XKR6: variants seen among roughly 807,000 people sequenced by gnomAD.
XKR6 encodes the protein XK related 6, also known as XK-related protein 6.
Under a neutral mutation model 56.7 loss-of-function variants are expected in XKR6, and 22 were observed. The ratio of observed to expected loss-of-function variants is 0.39; its 90% CI spans 0.28 to 0.55. The LOEUF is 0.55. Ranked by LOEUF, XKR6 falls within the 20% of genes least tolerant of loss-of-function variation. XKR6 has a pLI of 0.66. For synonymous variants in XKR6, 524 were observed against 387.8 expected (o/e 1.35, Z -4.13); for missense variants, 852 against 889.0 (o/e 0.96, Z 0.53).
chr8:10,925,229 C>T (rs1800845347), intron 1 of XKR6, among the ~76,000 whole-genome samples: 2 of 152,164 alleles, frequency 1.3e-5, no homozygotes, highest in African/African-American at 2.4e-5. Context: ...GCAAGGTTAT[C>T]ACCTCTGTTG....
intron 1 of XKR6, among the ~76,000 whole-genome samples, chr8:11,140,669 G>A (rs941333642): frequency 1.4e-4 from 21 of 152,024 alleles, no homozygotes; most frequent in South Asian, 4.2e-4. Flanking sequence ...AGGCTGAGGT[G>A]GGTGGGTCAC....
intron 1 of XKR6, among the ~76,000 whole-genome samples, chr8:11,000,674 G>C (rs1236861059): frequency 6.6e-6 from 1 of 152,168 alleles, no homozygotes; most frequent in African/African-American, 2.4e-5. Context: ...AAGAGAGCCA[G>C]ACTCTATCTC....
At chr8:11,042,285 A>G (rs1279967602) in intron 1 of XKR6, among the ~76,000 whole-genome samples, 1 of 149,424 alleles carries the variant, frequency 6.7e-6, no homozygotes, top group Non-Finnish European at 1.5e-5. Flanking sequence ...TGAGTATCTG[A>G]TATGGTTTGA....
At chr8:11,063,957 C>T (rs986551984) in intron 1 of XKR6, among the ~76,000 whole-genome samples, 3 of 152,188 alleles carry the variant, frequency 2.0e-5, no homozygotes, top group Non-Finnish European at 2.9e-5. Context: ...AACTTGCCAT[C>T]GGGTCTGACA....
At chr8:11,075,536 C>T (rs1038796157) in intron 1 of XKR6, among the ~76,000 whole-genome samples, 1 of 152,214 alleles carries the variant, frequency 6.6e-6, no homozygotes, top group Non-Finnish European at 1.5e-5. Flanking sequence ...TCAATCCTCA[C>T]AGCAATCTGG....
chr8:11,009,916 C>A (rs1798461639), intron 1 of XKR6, among the ~76,000 whole-genome samples: 1 of 152,004 alleles, frequency 6.6e-6, no homozygotes, highest in Admixed American at 6.5e-5. Flanking sequence ...TGTAACAATT[C>A]TATAAATCTA....
intron 1 of XKR6, among the ~76,000 whole-genome samples, chr8:11,010,550 T>C (rs1798476995): frequency 6.6e-6 from 1 of 152,188 alleles, no homozygotes; most frequent in African/African-American, 2.4e-5. Flanking sequence ...AGCACACAAC[T>C]GACACTCATC....
chr8:11,084,423 G>A (rs1181951766), intron 1 of XKR6, among the ~76,000 whole-genome samples: 4 of 152,038 alleles, frequency 2.6e-5, no homozygotes, highest in South Asian at 2.1e-4. Context: ...GATTTATACC[G>A]TCATTTTAAA....
chr8:10,966,717 T>C (rs1802235663), intron 1 of XKR6, among the ~76,000 whole-genome samples: 1 of 151,976 alleles, frequency 6.6e-6, no homozygotes, highest in Admixed American at 6.6e-5. Flanking sequence ...AAAATGCAAG[T>C]TCTCAGACCC....
chr8:11,073,035 G>A (rs1800174588), intron 1 of XKR6, among the ~76,000 whole-genome samples: 1 of 150,476 alleles, frequency 6.6e-6, no homozygotes, highest in Non-Finnish European at 1.5e-5. Context: ...CAGCGACAGA[G>A]CGAGACTCCA....
chr8:11,117,459 A>G (rs1799235648), intron 1 of XKR6, among the ~76,000 whole-genome samples: 3 of 152,178 alleles, frequency 2.0e-5, no homozygotes, highest in South Asian at 4.1e-4. Context: ...GGAAGAAAAC[A>G]GAATGTCTGA....
chr8:11,090,216 C>A (rs895104732), intron 1 of XKR6, among the ~76,000 whole-genome samples: 2 of 152,166 alleles, frequency 1.3e-5, no homozygotes, highest in African/African-American at 4.8e-5. Context: ...TCTCACGTAG[C>A]TGAGACTAGA....
intron 1 of XKR6, among the ~76,000 whole-genome samples, chr8:11,178,560 A>G (rs1051845825): frequency 7.1e-6 from 1 of 141,488 alleles, no homozygotes; most frequent in African/African-American, 2.6e-5. Context: ...ATATATATAT[A>G]TATATATATA....
intron 1 of XKR6, among the ~76,000 whole-genome samples, chr8:11,098,613 T>C (rs1168784239): frequency 1.3e-5 from 2 of 152,220 alleles, no homozygotes; most frequent in African/African-American, 4.8e-5. Context: ...GTTTGAATTA[T>C]GTTCCTGTTT....
intron 1 of XKR6, among the ~76,000 whole-genome samples, chr8:11,070,917 G>A (rs1284556107): frequency 6.6e-6 from 1 of 152,142 alleles, no homozygotes; most frequent in Non-Finnish European, 1.5e-5. Context: ...GTACATGGCA[G>A]GTAAGAATAT....
chr8:11,066,467 C>G (rs1477489022), intron 1 of XKR6, among the ~76,000 whole-genome samples: 1 of 152,230 alleles, frequency 6.6e-6, no homozygotes, highest in Admixed American at 6.5e-5. Flanking sequence ...GTTCTGCCTC[C>G]TGGCAGGCTC....
chr8:10,939,805 T>A (rs1219364009), intron 1 of XKR6, among the ~76,000 whole-genome samples: 1 of 152,240 alleles, frequency 6.6e-6, no homozygotes, highest in Non-Finnish European at 1.5e-5. Flanking sequence ...TCAGAAGACA[T>A]TCCCAAGGCC....
At chr8:11,174,441 C>T (rs1030600492) in intron 1 of XKR6, among the ~76,000 whole-genome samples, 5 of 152,166 alleles carry the variant, frequency 3.3e-5, no homozygotes, top group Non-Finnish European at 7.3e-5. Context: ...GAAATCTTTA[C>T]GAGCCGAGCA....
In XKR6 at chr8:11,089,842, G is replaced by A. The variant is rs1321263238; in HGVS notation, c.764+110734C>T. 2.0e-5 allele frequency among the ~76,000 whole-genome samples: 3 copies of A among 151,886 alleles called. No individual in the cohort carries two copies. The South Asian group carries it at 6.3e-4, about 32-fold the overall frequency. On this transcript the variant is annotated intron_variant, in intron 1 of 2. Coordinates refer to ENST00000416569, the MANE Select transcript of XKR6 (RefSeq NM_173683.4). The stretch of plus-strand genomic sequence containing the variant: ...GAGGAGCCGCTATACTGAATTTTTT[G>A]TTAATCAATCCCATGCATATTCTAC...
Sources: gnomAD v4.1 joint callset for allele counts (sites outside exome capture counted in the v4.1 genomes callset) on GRCh38, gnomAD v4.1.1 for gene constraint, MANE v1.5 for transcripts, NCBI Gene and HGNC (gene_info 2026-07-23, HGNC 2026-07-21) for gene names.